Variants in MTMR7 observed in about 807,000 individuals in gnomAD.
The protein encoded by MTMR7 is myotubularin related protein 7.
MTMR7 carries 76 observed loss-of-function variants against 81.2 expected under a neutral mutation model. The ratio of observed to expected loss-of-function variants is 0.94; its 90% CI spans 0.78 to 1.13. The LOEUF (loss-of-function observed/expected upper bound fraction) is 1.13, where lower values mean the gene tolerates loss of function less well. Ranked by LOEUF, MTMR7 falls within the 50% of genes most tolerant of loss-of-function variation. The pLI is 0.00. For missense variants in MTMR7, 1,044 were observed against 820.0 expected (o/e 1.27, Z -3.34); for synonymous variants, 372 against 289.8 (o/e 1.28, Z -2.88).
At chr8:17,300,825 A>G (rs1817062093) in intron 13 of MTMR7, among the ~76,000 whole-genome samples, 1 of 152,154 alleles carries the variant, frequency 6.6e-6, no homozygotes, top group African/African-American at 2.4e-5. Context: ...ATCTCTATGG[A>G]TTTGCCTAGT....
At chr8:17,361,963 T>C (rs1198816566) in intron 3 of MTMR7, among the ~76,000 whole-genome samples, 6 of 152,218 alleles carry the variant, frequency 3.9e-5, no homozygotes, top group East Asian at 3.8e-4. Context: ...TCTCTGTCTT[T>C]ATATACTGCC....
intron 5 of MTMR7, among the ~76,000 whole-genome samples, chr8:17,342,458 T>G (rs1228738748): frequency 6.6e-6 from 1 of 152,194 alleles, no homozygotes; most frequent in Non-Finnish European, 1.5e-5. Flanking sequence ...CACAGCCTGT[T>G]CAGCGTGCTT....
At position 17,345,683 on chromosome 8, in the gene MTMR7, G is replaced by C. The variant is rs370639369; in HGVS notation, c.597+3270C>G. 4.7e-4 allele frequency among the ~76,000 whole-genome samples: 71 copies of C among 152,294 alleles called. No individual in the cohort carries two copies. The South Asian group carries it at 0.014, about 30-fold the overall frequency. On this transcript the variant is annotated intron_variant, in intron 5 of 13. Coordinates refer to ENST00000180173, the MANE Select transcript of MTMR7 (RefSeq NM_004686.5). ...TTGCACCAACCTAACACTACATGTG[G>C]TAACAGCTGATACAAAGGGAAAGAT...
chr8:17,376,677 C>T (rs1395728419), intron 1 of MTMR7, among the ~76,000 whole-genome samples: 1 of 152,096 alleles, frequency 6.6e-6, no homozygotes, highest in African/African-American at 2.4e-5. Context: ...TCCCTGATAG[C>T]TAACAATATT....
At chr8:17,409,563 TGTGTTAG>T (rs1295670534) in intron 1 of MTMR7, among the ~76,000 whole-genome samples, 1 of 152,238 alleles carries the variant, frequency 6.6e-6, no homozygotes, top group African/African-American at 2.4e-5. Context: ...TCCCAAGCAC[TGTGTTAG>T]GTGCTATAGA....
intron 3 of MTMR7, among the ~76,000 whole-genome samples, chr8:17,369,783 C>T (rs988835764): frequency 6.6e-6 from 1 of 151,386 alleles, no homozygotes; most frequent in African/African-American, 2.4e-5. Flanking sequence ...GTAGCTGGGA[C>T]TACAGGCGCA....
chr8:17,378,118 G>C (rs1298822083), intron 1 of MTMR7, among the ~76,000 whole-genome samples: 2 of 152,070 alleles, frequency 1.3e-5, no homozygotes, highest in African/African-American at 4.8e-5. Context: ...ATTTTTCCAT[G>C]TCTTTTTGTT....
At chr8:17,303,003 G>A (rs552549128) in intron 12 of MTMR7, among the ~76,000 whole-genome samples, 6 of 151,904 alleles carry the variant, frequency 3.9e-5, no homozygotes, top group Admixed American at 1.3e-4. Context: ...GAGCCACCAC[G>A]CCTGACCAAT....
chr8:17,302,420 T>G (rs960924608), intron 12 of MTMR7, 140 bp from the exon 13 acceptor site: 3 of 856,462 alleles, frequency 3.5e-6, no homozygotes, highest in Non-Finnish European at 5.1e-6. Context: ...AGCCACTACT[T>G]AAGGTAATAA....
chr8:17,398,813 AAAG>A (rs57220063), intron 1 of MTMR7, among the ~76,000 whole-genome samples: 8,162 of 152,250 alleles, frequency 0.054, 453 homozygotes, highest in East Asian at 0.33. Context: ...AAAAAGTTAA[AAAG>A]AAGGGGATAT....
At chr8:17,389,656 A>T in intron 1 of MTMR7, among the ~76,000 whole-genome samples, 1 of 152,240 alleles carries the variant, frequency 6.6e-6, no homozygotes, top group Non-Finnish European at 1.5e-5. Context: ...AGTATGATTA[A>T]CCCAGAATGC....
intron 10 of MTMR7, among the ~76,000 whole-genome samples, chr8:17,307,832 A>T (rs993250417): frequency 2.0e-5 from 3 of 151,896 alleles, no homozygotes; most frequent in African/African-American, 7.3e-5. Flanking sequence ...GTGGGAACTG[A>T]ACAATGAGAA....
chr8:17,383,251 C>T (rs1416439261), intron 1 of MTMR7, among the ~76,000 whole-genome samples: 1 of 152,142 alleles, frequency 6.6e-6, no homozygotes, highest in African/African-American at 2.4e-5. Flanking sequence ...TTCAGAAAAG[C>T]TTATGGCAAA....
At chr8:17,356,547 A>C (rs57065319) in intron 4 of MTMR7, among the ~76,000 whole-genome samples, 51,485 of 151,510 alleles carry the variant, frequency 0.34, 10,406 homozygotes, top group African/African-American at 0.55. Flanking sequence ...ACTACTACTA[A>C]TAATAATAAT....
Position 17,395,053 on chromosome 8 carries a change from TCTAA to T in MTMR7, c.24+18212_24+18215del, listed in dbSNP as rs906097431. On this transcript the variant is annotated intron_variant, in intron 1 of 13. Coordinates refer to ENST00000180173, the MANE Select transcript of MTMR7 (RefSeq NM_004686.5). ...TTCTCAACCCCTGAAACAAAAACTC[TCTAA>T]CTATTAAGCAAAAACCCTTATTTTC... Among the ~76,000 whole-genome samples the T allele has an allele frequency of 8.9e-4, 135 of 152,298 alleles. 2 individuals are homozygous for T. Among genetic ancestry groups the T allele is most frequent in the East Asian group, 1.2e-3 (6 of 5,188 alleles).
chr8:17,322,723 G>A (rs1818460299), intron 7 of MTMR7, among the ~76,000 whole-genome samples: 1 of 152,068 alleles, frequency 6.6e-6, no homozygotes, highest in South Asian at 2.1e-4. Context: ...TACTCAGGAG[G>A]GTGAGGCAGG....
At position 17,365,933 on chromosome 8, in the gene MTMR7, A is replaced by C. The variant is rs1237457025; in HGVS notation, c.311-4659T>G. On this transcript the variant is annotated intron_variant, in intron 3 of 13. Transcript: ENST00000180173. ...TGTTTCAGTTGAAAGCATGAGCTCAACCCAAACACAGAGATCCATGTTTTG... is the reference window on the plus strand; with the variant it reads ...TGTTTCAGTTGAAAGCATGAGCTCACCCCAAACACAGAGATCCATGTTTTG... Among the ~76,000 whole-genome samples the C allele has an allele frequency of 7.2e-5, 11 of 152,184 alleles. 1 individual carries two copies. Among genetic ancestry groups the C allele is most frequent in the Admixed American group, 7.2e-4 (11 of 15,276 alleles).
chr8:17,314,931 A>T (rs555599215), intron 7 of MTMR7, among the ~76,000 whole-genome samples: 4 of 152,306 alleles, frequency 2.6e-5, no homozygotes, highest in African/African-American at 9.6e-5. Context: ...TATGTGTCTG[A>T]TAAAGTACAT....
At chr8:17,376,134 T>C (rs1477372379) in intron 1 of MTMR7, among the ~76,000 whole-genome samples, 2 of 152,208 alleles carry the variant, frequency 1.3e-5, no homozygotes, top group Non-Finnish European at 2.9e-5. Flanking sequence ...TCTCTATAGA[T>C]TTGCCTATTC....
Sources: gnomAD v4.1 joint callset for allele counts (sites outside exome capture counted in the v4.1 genomes callset) on GRCh38, gnomAD v4.1.1 for gene constraint, MANE v1.5 for transcripts, NCBI Gene and HGNC (gene_info 2026-07-23, HGNC 2026-07-21) for gene names.